HABP2: variants seen among roughly 807,000 people sequenced by gnomAD.
The protein encoded by HABP2 is factor VII-activating protease.
HABP2 carries 65 observed loss-of-function variants against 66.5 expected under a neutral mutation model. The observed-to-expected ratio is 0.98, with a 90% CI of 0.80 to 1.20. HABP2 has a LOEUF of 1.20. Among genes scored for constraint, HABP2 ranks in the 50% most tolerant of loss-of-function variants. The pLI, the probability that HABP2 is intolerant of heterozygous loss-of-function variation, is 0.00. For missense variants in HABP2, 786 were observed against 691.0 expected (o/e 1.14, Z -1.54); for synonymous variants, 263 against 253.9 (o/e 1.04, Z -0.34).
chr10:113,551,950 G>A (rs1844906823), upstream of HABP2, among the ~76,000 whole-genome samples: 1 of 152,242 alleles, frequency 6.6e-6, no homozygotes, highest in Non-Finnish European at 1.5e-5. Context: ...ACAAAAATAT[G>A]TGGATAAAAG....
intron 2 of HABP2, 70 bp from the exon 3 acceptor site, chr10:113,574,219 A>G: frequency 2.5e-6 from 2 of 799,216 alleles, no homozygotes; most frequent in East Asian, 5.0e-5. Flanking sequence ...AAGGTGTCCA[A>G]CTAAATAAAA....
At chr10:113,585,075 T>A (rs896608308) in intron 11 of HABP2, among the ~76,000 whole-genome samples, 2 of 152,196 alleles carry the variant, frequency 1.3e-5, no homozygotes, top group Admixed American at 6.5e-5. Flanking sequence ...ATTCCACATA[T>A]CTGAACAAAG....
intron 1 of HABP2, among the ~76,000 whole-genome samples, chr10:113,564,187 A>G (rs1033450955): frequency 1.3e-5 from 2 of 152,208 alleles, no homozygotes; most frequent in Admixed American, 1.3e-4. Context: ...TTATAAAACC[A>G]TCAGATCTCC....
At chr10:113,575,769 C>A (rs895925009) in intron 3 of HABP2, 128 bp from the exon 4 acceptor site, 5 of 668,214 alleles carry the variant, frequency 7.5e-6, no homozygotes, top group Non-Finnish European at 1.1e-5. Context: ...TCCTCCTTTC[C>A]CCAGTTTCTG....
chr10:113,577,911 A>T (rs970781678), intron 5 of HABP2, 115 bp from the exon 6 acceptor site: 57 of 1,214,294 alleles, frequency 4.7e-5, no homozygotes, highest in Non-Finnish European at 6.6e-5. Flanking sequence ...CTGGTGACCC[A>T]TCTTTCGCGA....
At chr10:113,580,075 C>T (rs536314144) in intron 7 of HABP2, among the ~76,000 whole-genome samples, 28 of 151,534 alleles carry the variant, frequency 1.8e-4, no homozygotes, top group African/African-American at 5.6e-4. Flanking sequence ...CCACTGCACC[C>T]GGCCATGAAG....
At chr10:113,584,323 C>T (rs770052982) in intron 11 of HABP2, 41 bp downstream of exon 11, 2 of 1,590,008 alleles carry the variant, frequency 1.3e-6, no homozygotes, top group South Asian at 1.1e-5. Flanking sequence ...AGGTGAACTA[C>T]ATCAACCAGA....
rs1844927541 is a variant in HABP2 at position 113,553,143 on chromosome 10, C to A, written c.22C>A (p.Leu8Ile). 2 of 1,613,558 alleles carry A rather than the reference C, an allele frequency of 1.2e-6. No individual in the cohort carries two copies. The highest frequency in any genetic ancestry group is 1.7e-6 in the Non-Finnish European group (2 of 1,179,454). Reference sequence around the variant, plus strand: ...AAAGATGTTTGCCAGGATGTCTGATCTCCATGTTCTGCTGTTAATGGCTCT... The same window carrying A: ...AAAGATGTTTGCCAGGATGTCTGATATCCATGTTCTGCTGTTAATGGCTCT... MFARMSD[L>I]HVLLLMALVG... is the part of the protein sequence containing the mutation. Residue 8 changes from leucine (L) to isoleucine (I), a missense_variant, in exon 1 of 13, where the codon CTC (leucine) becomes ATC (isoleucine). By Grantham distance (5) the Leu-to-Ile change is conservative. Transcript: ENST00000351270.
At chr10:113,571,186 GTTC>G (rs1845301659) in intron 2 of HABP2, among the ~76,000 whole-genome samples, 1 of 152,228 alleles carries the variant, frequency 6.6e-6, no homozygotes, top group South Asian at 2.1e-4. Context: ...CAGCTGGGCA[GTTC>G]TTCTGGGCTG....
intron 6 of HABP2, 145 bp from the exon 7 acceptor site, chr10:113,578,482 T>A: frequency 1.5e-6 from 1 of 651,288 alleles, no homozygotes; most frequent in Non-Finnish European, 2.7e-6. Context: ...ATTCAACACT[T>A]TTTTTTCTGA....
chr10:113,559,732 G>A (rs1330325437), intron 1 of HABP2, among the ~76,000 whole-genome samples: 4 of 152,364 alleles, frequency 2.6e-5, no homozygotes, highest in African/African-American at 9.6e-5. Context: ...TTCTCCGGAT[G>A]TAACAAATGG....
At position 113,589,036 on chromosome 10, in the gene HABP2, T is replaced by C. The variant is rs1449777148; in HGVS notation, c.*667T>C. The C allele has an allele frequency of 6.2e-7, 1 of 1,613,906 alleles. No individual in the cohort carries two copies. Among genetic ancestry groups the C allele is most frequent in the Non-Finnish European group, 8.5e-7 (1 of 1,179,986 alleles). Reference sequence around the variant, plus strand: ...AATCTCAGTGGCATCTGGGTTCACCTCCCCACTCTGATGATCTCCAGCCTC... The same window carrying C: ...AATCTCAGTGGCATCTGGGTTCACCCCCCCACTCTGATGATCTCCAGCCTC... On this transcript the variant is annotated 3_prime_UTR_variant, in exon 13 of 13. Transcript: ENST00000351270.
chr10:113,553,281 G>A (rs1358719327), intron 1 of HABP2, 91 bp downstream of exon 1: 3 of 953,222 alleles, frequency 3.1e-6, no homozygotes, highest in Non-Finnish European at 5.1e-6. Flanking sequence ...AAACTTTAGA[G>A]TGAAAGGCTG....
At chr10:113,570,976 C>G (rs903218655) in intron 2 of HABP2, among the ~76,000 whole-genome samples, 1 of 152,200 alleles carries the variant, frequency 6.6e-6, no homozygotes, top group Admixed American at 6.5e-5. Context: ...AGCTATGACA[C>G]TTAAAACTCT....
chr10:113,560,268 T>G (rs1235529828), intron 1 of HABP2, among the ~76,000 whole-genome samples: 2 of 152,214 alleles, frequency 1.3e-5, no homozygotes, highest in Non-Finnish European at 2.9e-5. Context: ...AGGGCAAGAT[T>G]CCTGTGCCTA....
intron 1 of HABP2, among the ~76,000 whole-genome samples, chr10:113,565,666 G>A (rs1210340954): frequency 6.6e-6 from 1 of 152,180 alleles, no homozygotes; most frequent in Non-Finnish European, 1.5e-5. Flanking sequence ...GGTTTGGAGA[G>A]GACAAATATC....
intron 1 of HABP2, among the ~76,000 whole-genome samples, chr10:113,557,036 C>T (rs1349883688): frequency 3.9e-5 from 6 of 152,114 alleles, no homozygotes; most frequent in Non-Finnish European, 8.8e-5. Context: ...CTCAGAAATG[C>T]TGTGGATATT....
chr10:113,580,808 CA>C (rs1213636914), intron 8 of HABP2, 116 bp downstream of exon 8: 2 of 629,188 alleles, frequency 3.2e-6, no homozygotes, highest in African/African-American at 3.7e-5. Flanking sequence ...CCTGCTTTAC[CA>C]ATTCCCATCC....
chr10:113,553,005 T>C (rs1452924457), upstream of HABP2: 3 of 739,432 alleles, frequency 4.1e-6, no homozygotes, highest in African/African-American at 5.3e-5. Context: ...TAGTTAATAA[T>C]TTGCATCCTC....
Sources: allele counts gnomAD v4.1 joint callset (sites outside exome capture counted in the v4.1 genomes callset), GRCh38; gene constraint gnomAD v4.1.1; transcripts MANE v1.5; gene names NCBI Gene and HGNC (gene_info 2026-07-23, HGNC 2026-07-21).